The following CTNNA2 variants were observed in gnomAD, a reference collection of about 807,000 sequenced individuals.
CTNNA2 encodes the protein catenin alpha 2, also known as catenin alpha-2.
In CTNNA2, 42 loss-of-function variants were observed where a neutral mutation model predicts 101.0. The observed-to-expected ratio is 0.42, with a 90% CI of 0.32 to 0.54. The LOEUF (loss-of-function observed/expected upper bound fraction) is 0.54, where lower values mean the gene tolerates loss of function less well. Among genes scored for constraint, CTNNA2 ranks in the 20% least tolerant of loss-of-function variants. The pLI, the probability that CTNNA2 is intolerant of heterozygous loss-of-function variation, is 0.14. For synonymous variants in CTNNA2, 450 were observed against 456.4 expected (o/e 0.99, Z 0.18); for missense variants, 871 against 1,223.1 (o/e 0.71, Z 4.29).
chr2:79,531,638 T>C (rs1672749703), intron 1 of CTNNA2, among the ~76,000 whole-genome samples: 1 of 152,000 alleles, frequency 6.6e-6, no homozygotes, highest in East Asian at 1.9e-4. Flanking sequence ...AGAGGTGTTA[T>C]TGGATTTACA....
intron 9 of CTNNA2, among the ~76,000 whole-genome samples, chr2:80,476,896 G>A (rs1685772700): frequency 6.6e-6 from 1 of 152,182 alleles, no homozygotes; most frequent in South Asian, 2.1e-4. Flanking sequence ...CAGTGGCCAT[G>A]TTATCAGGAT....
At chr2:80,141,855 AT>A (rs34748982) in intron 7 of CTNNA2, among the ~76,000 whole-genome samples, 58,395 of 143,294 alleles carry the variant, frequency 0.41, 12,029 homozygotes, top group East Asian at 0.62. Flanking sequence ...TAAAGATAGC[AT>A]TTTTTTTTTT....
chr2:80,391,551 T>C (rs555721250), intron 7 of CTNNA2, among the ~76,000 whole-genome samples: 1 of 152,170 alleles, frequency 6.6e-6, no homozygotes, highest in Non-Finnish European at 1.5e-5. Context: ...TTCAGAAGGA[T>C]CATGGTCCAG....
At chr2:80,350,770 A>T (rs1335626073) in intron 7 of CTNNA2, among the ~76,000 whole-genome samples, 15 of 152,144 alleles carry the variant, frequency 9.9e-5, no homozygotes, top group Admixed American at 8.5e-4. Flanking sequence ...TGCCCCAACA[A>T]CCATGGCTCA....
chr2:79,664,172 T>C lies in CTNNA2; in HGVS notation c.102+12514T>C, dbSNP rs574339128. Among the ~76,000 whole-genome samples, 4 of 152,306 alleles carry C rather than the reference T, an allele frequency of 2.6e-5. No homozygotes were observed. In the South Asian group the frequency reaches 8.3e-4, roughly 32 times the overall value. On this transcript the variant is annotated intron_variant, in intron 2 of 18. Coordinates refer to ENST00000402739, the MANE Select transcript of CTNNA2 (RefSeq NM_001282597.3). ...TAATAAAAGGCATAGTATAAATACA[T>C]TTCTTATATATTGCATATGCATGTG...
At chr2:79,411,842 G>A (rs892291326) in intron 4 of CTNNA2, among the ~76,000 whole-genome samples, 6 of 151,982 alleles carry the variant, frequency 3.9e-5, no homozygotes, top group East Asian at 3.9e-4. Context: ...ATCAACTAAC[G>A]AGCAAAATAA....
At chr2:80,563,995 C>CT (rs1447909125) in intron 12 of CTNNA2, among the ~76,000 whole-genome samples, 1 of 152,148 alleles carries the variant, frequency 6.6e-6, no homozygotes, top group African/African-American at 2.4e-5. Flanking sequence ...AGATCTGAGT[C>CT]TACCTCTCCA....
intron 7 of CTNNA2, among the ~76,000 whole-genome samples, chr2:79,960,645 G>T (rs139941872): frequency 3.3e-5 from 5 of 152,270 alleles, no homozygotes; most frequent in Admixed American, 3.3e-4. Flanking sequence ...GGTTATAAAG[G>T]TAACAAAGAC....
intron 4 of CTNNA2, among the ~76,000 whole-genome samples, chr2:79,393,421 AT>A (rs1678195511): frequency 6.6e-6 from 1 of 152,088 alleles, no homozygotes; most frequent in Non-Finnish European, 1.5e-5. Context: ...AGCCTCACTC[AT>A]TTGTTTATGT....
At chr2:80,616,980 G>A (rs1415297810) in intron 17 of CTNNA2, among the ~76,000 whole-genome samples, 1 of 151,654 alleles carries the variant, frequency 6.6e-6, no homozygotes, top group Non-Finnish European at 1.5e-5. Flanking sequence ...GCAATTATAA[G>A]AAATGCCAAT....
chr2:79,338,571 C>CAT (rs1677050065), intron 3 of CTNNA2, among the ~76,000 whole-genome samples: 1 of 67,488 alleles, frequency 1.5e-5, no homozygotes, highest in African/African-American at 6.7e-5. Context: ...TCTTCTTCCT[C>CAT]CTCATCATCT....
At chr2:79,982,263 C>CATAT in intron 7 of CTNNA2, among the ~76,000 whole-genome samples, 1 of 89,694 alleles carries the variant, frequency 1.1e-5, no homozygotes, top group Non-Finnish European at 2.3e-5. Context: ...TACACACACA[C>CATAT]ATAACATATA....
intron 2 of CTNNA2, among the ~76,000 whole-genome samples, chr2:79,201,509 GA>G (rs1308957039): frequency 2.6e-5 from 4 of 152,166 alleles, no homozygotes; most frequent in Non-Finnish European, 5.9e-5. Context: ...CATTGTCGTG[GA>G]AGCAGGAAAG....
At chr2:79,571,074 CT>C (rs1675434026) in intron 1 of CTNNA2, among the ~76,000 whole-genome samples, 1 of 152,144 alleles carries the variant, frequency 6.6e-6, no homozygotes, top group South Asian at 2.1e-4. Flanking sequence ...TATGAATAGC[CT>C]AGAAAAATGT....
intron 1 of CTNNA2, among the ~76,000 whole-genome samples, chr2:79,596,404 A>T (rs1407651999): frequency 6.6e-6 from 1 of 152,202 alleles, no homozygotes; most frequent in Non-Finnish European, 1.5e-5. Context: ...TAAGTTCCCC[A>T]CGAAGAGAAA....
At chr2:80,004,672 CATTTATTT>C (rs59472149) in intron 7 of CTNNA2, among the ~76,000 whole-genome samples, 70,995 of 145,424 alleles carry the variant, frequency 0.49, 19,389 homozygotes, top group East Asian at 0.77. Context: ...TTTTATTTTA[CATTTATTT>C]ATTTATTTAT....
chr2:79,570,134 AG>A (rs761506443), intron 1 of CTNNA2, among the ~76,000 whole-genome samples: 22 of 152,208 alleles, frequency 1.4e-4, no homozygotes, highest in Non-Finnish European at 2.2e-4. Context: ...TGGATTTCTC[AG>A]TAACCCTAAA....
chr2:80,372,947 AT>A (rs1218061893), intron 7 of CTNNA2, among the ~76,000 whole-genome samples: 1 of 152,192 alleles, frequency 6.6e-6, no homozygotes, highest in African/African-American at 2.4e-5. Context: ...ATATTCTACA[AT>A]GCCTAGGGTA....
At chr2:79,312,408 T>C (rs1409745401) in intron 2 of CTNNA2, among the ~76,000 whole-genome samples, 1 of 152,222 alleles carries the variant, frequency 6.6e-6, no homozygotes, top group Non-Finnish European at 1.5e-5. Context: ...ATAGTGTGTA[T>C]ACTCTGTCTT....
Sources: gnomAD v4.1 joint callset for allele counts (sites outside exome capture counted in the v4.1 genomes callset) on GRCh38, gnomAD v4.1.1 for gene constraint, MANE v1.5 for transcripts, NCBI Gene and HGNC (gene_info 2026-07-23, HGNC 2026-07-21) for gene names.